The following CNTLN variants were observed in gnomAD, a reference collection of about 807,000 sequenced individuals.
The protein encoded by CNTLN is centlein, also known as centlein, centrosomal protein.
CNTLN carries 212 observed loss-of-function variants against 180.0 expected under a neutral mutation model. The observed-to-expected ratio is 1.18, with a 90% CI of 1.05 to 1.32. The LOEUF is 1.32. Ranked by LOEUF, CNTLN falls within the 40% of genes most tolerant of loss-of-function variation. CNTLN has a pLI of 0.00. For synonymous variants in CNTLN, 722 were observed against 563.1 expected, an observed-to-expected ratio of 1.28 and a Z score of -3.99; for missense variants, 2,095 against 1,610.9, an observed-to-expected ratio of 1.30 and a Z score of -5.14.
intron 18 of CNTLN, among the ~76,000 whole-genome samples, chr9:17,420,334 T>G (rs966069181): frequency 6.6e-6 from 1 of 152,198 alleles, no homozygotes; most frequent in Non-Finnish European, 1.5e-5. Flanking sequence ...TGTTCTAGAT[T>G]TTCCAGATTA....
chr9:17,262,942 C>G (rs1827115710), intron 5 of CNTLN, among the ~76,000 whole-genome samples: 1 of 151,002 alleles, frequency 6.6e-6, no homozygotes, highest in South Asian at 2.1e-4. Context: ...TTATCAAAAG[C>G]TTCTCTGTGT....
At chr9:17,497,089 A>C (rs1295205277) in intron 25 of CNTLN, among the ~76,000 whole-genome samples, 2 of 152,174 alleles carry the variant, frequency 1.3e-5, no homozygotes, top group Non-Finnish European at 2.9e-5. Context: ...GAGCTCAGGG[A>C]ATTCAATTCC....
At chr9:17,327,487 TC>T (rs1329487827) in intron 8 of CNTLN, among the ~76,000 whole-genome samples, 14 of 139,920 alleles carry the variant, frequency 1.0e-4, no homozygotes, top group African/African-American at 3.7e-4. Context: ...CCCAGCTGTT[TC>T]CTTTTTTTTT....
At chr9:17,437,429 G>A (rs986958413) in intron 18 of CNTLN, among the ~76,000 whole-genome samples, 13 of 152,120 alleles carry the variant, frequency 8.5e-5, no homozygotes, top group Non-Finnish European at 1.3e-4. Flanking sequence ...TTAAAATAAA[G>A]CAGTGTTATA....
Position 17,473,950 on chromosome 9 carries a change from T to C in CNTLN, c.3855+7059T>C, listed in dbSNP as rs551385179. Among the ~76,000 whole-genome samples the C allele has an allele frequency of 2.6e-5, 4 of 152,336 alleles. No individual in the cohort carries two copies. In the East Asian group the frequency reaches 7.7e-4, roughly 29 times the overall value. ...AAGCCTTCCTTATGATGTACTACAC[T>C]GTATTGGTTTTCCTCATCACATCTA... On this transcript the variant is annotated intron_variant, in intron 23 of 25. Transcript: ENST00000380647.
intron 2 of CNTLN, among the ~76,000 whole-genome samples, chr9:17,148,258 T>C (rs1028497657): frequency 2.0e-5 from 3 of 152,234 alleles, no homozygotes; most frequent in Non-Finnish European, 4.4e-5. Flanking sequence ...CTTTAGTGTT[T>C]ACAGACAATT....
rs1831212470 is a variant in CNTLN, at chr9:17,457,702, A to C, written c.3293A>C (p.Gln1098Pro). ...ATGGATTTGGAAATGAAGCAATTGC[A>C]GTATAAACTAAAGGTGATTATAAAA... ...RSMDLEMKQLQYKLKNATNEL... is the reference protein window; with the variant it reads ...RSMDLEMKQLPYKLKNATNEL... Residue 1098 changes from glutamine to proline, a missense_variant, in exon 19 of 26, where the codon CAG (glutamine) becomes CCG (proline). Physicochemically the swap from Gln to Pro is moderately conservative, Grantham distance 76. Coordinates refer to ENST00000380647, the MANE Select transcript of CNTLN (RefSeq NM_017738.4). 1 of 1,485,060 alleles carries C rather than the reference A, an allele frequency of 6.7e-7. No individual in the cohort carries two copies. Among genetic ancestry groups the C allele is most frequent in the South Asian group, 1.5e-5 (1 of 65,172 alleles). The allele number at this position is 1,485,060 out of a possible 1,614,324, so 92.0% of individuals were successfully genotyped here.
At chr9:17,471,741 T>C (rs1035514262) in intron 23 of CNTLN, among the ~76,000 whole-genome samples, 5 of 152,048 alleles carry the variant, frequency 3.3e-5, no homozygotes, top group African/African-American at 1.2e-4. Context: ...GCTTTAGAGT[T>C]GCTCAGAGAG....
intron 6 of CNTLN, among the ~76,000 whole-genome samples, chr9:17,294,430 C>CT (rs398113305): frequency 6.6e-6 from 1 of 151,320 alleles, no homozygotes; most frequent in Admixed American, 6.6e-5. Context: ...CTCCAAGTCC[C>CT]ACTAGATTCT....
At chr9:17,470,649 A>T (rs1832003531) in intron 23 of CNTLN, among the ~76,000 whole-genome samples, 1 of 151,928 alleles carries the variant, frequency 6.6e-6, no homozygotes, top group Non-Finnish European at 1.5e-5. Context: ...TAATAACTGA[A>T]TAAAACACAC....
intron 13 of CNTLN, among the ~76,000 whole-genome samples, chr9:17,373,568 C>T (rs1241280783): frequency 6.6e-6 from 1 of 152,010 alleles, no homozygotes; most frequent in South Asian, 2.1e-4. Context: ...AAGCAATCTA[C>T]AGATTTAATG....
chr9:17,319,541 A>G (rs1052933188), intron 8 of CNTLN, among the ~76,000 whole-genome samples: 4 of 152,188 alleles, frequency 2.6e-5, no homozygotes, highest in Non-Finnish European at 5.9e-5. Context: ...AGAGTAATGG[A>G]TAAAAACATA....
At chr9:17,268,625 C>T (rs1424985753) in intron 5 of CNTLN, among the ~76,000 whole-genome samples, 1 of 152,138 alleles carries the variant, frequency 6.6e-6, no homozygotes, top group Non-Finnish European at 1.5e-5. Context: ...TTTGTCTGTG[C>T]CCTGCCCCCA....
At chr9:17,431,142 G>A (rs184967065) in intron 18 of CNTLN, among the ~76,000 whole-genome samples, 2 of 151,980 alleles carry the variant, frequency 1.3e-5, no homozygotes, top group Admixed American at 6.6e-5. Context: ...GTTTTCCATA[G>A]TGGTGTACTA....
chr9:17,521,265 AAGAGAGAG>A, the CNTLN span, among the ~76,000 whole-genome samples: 132 of 118,506 alleles, frequency 1.1e-3, no homozygotes, highest in Non-Finnish European at 1.7e-3. Flanking sequence ...AAGGGAGAAA[AAGAGAGAG>A]AGAGAGAGAG....
intron 2 of CNTLN, among the ~76,000 whole-genome samples, chr9:17,175,408 C>T (rs895699848): frequency 1.7e-4 from 26 of 152,154 alleles, no homozygotes; most frequent in Admixed American, 1.6e-3. Context: ...GTATCGTCCT[C>T]TTCCCATTGA....
rs766099387 is a variant in CNTLN at position 17,466,089 on chromosome 9, C to T, written c.3640C>T (p.Gln1214Ter). ...KEKSQYEQMY[Q>*]KSKEELEKKD... The stretch of plus-strand genomic sequence containing the variant: ...AAAGTCACAGTATGAACAGATGTAT[C>T]AGAAATCTAAAGAGGAGTTAGAAAA... The change falls in exon 22 of 26, where the codon CAG becomes TAG. Residue 1214 changes from glutamine to a stop codon, truncating the protein, a stop_gained. Transcript: ENST00000380647. LOFTEE classifies it high-confidence loss of function. 1 of 1,603,362 alleles carries T rather than the reference C, an allele frequency of 6.2e-7. No individual in the cohort carries two copies. Among genetic ancestry groups the T allele is most frequent in the Non-Finnish European group, 8.5e-7 (1 of 1,173,690 alleles).
chr9:17,265,744 A>G (rs1029867454), intron 5 of CNTLN, among the ~76,000 whole-genome samples: 5 of 151,970 alleles, frequency 3.3e-5, no homozygotes, highest in East Asian at 1.9e-4. Context: ...CAGAGACTCA[A>G]CTTCTTCCTG....
intron 5 of CNTLN, among the ~76,000 whole-genome samples, chr9:17,264,551 T>A (rs1347782616): frequency 6.6e-6 from 1 of 151,638 alleles, no homozygotes; most frequent in East Asian, 2.0e-4. Context: ...CCATATGAAC[T>A]TTAAAGTAGT....
Sources: allele counts gnomAD v4.1 joint callset (sites outside exome capture counted in the v4.1 genomes callset), GRCh38; gene constraint gnomAD v4.1.1; transcripts MANE v1.5; gene names NCBI Gene and HGNC (gene_info 2026-07-23, HGNC 2026-07-21).